The following FRMD4A variants were observed in gnomAD, a reference collection of about 807,000 sequenced individuals.
FRMD4A encodes the protein FERM domain containing 4A.
A neutral mutation model predicts 129.1 loss-of-function variants in FRMD4A; 29 were observed. That is an observed-to-expected ratio of 0.22 (90% CI 0.17 to 0.31). The LOEUF (loss-of-function observed/expected upper bound fraction) is 0.31. Ranked by LOEUF, FRMD4A falls within the 10% of genes least tolerant of loss-of-function variation. FRMD4A has a pLI of 1.00. For synonymous variants in FRMD4A, 634 were observed against 571.6 expected (o/e 1.11, Z -1.56); for missense variants, 1,272 against 1,375.8 (o/e 0.92, Z 1.19).
chr10:13,895,995 C>T (rs958402869), intron 2 of FRMD4A, among the ~76,000 whole-genome samples: 4 of 152,098 alleles, frequency 2.6e-5, no homozygotes, highest in African/African-American at 7.2e-5. Context: ...GTTAGCATGG[C>T]GATTATTAAA....
intron 2 of FRMD4A, among the ~76,000 whole-genome samples, chr10:14,221,008 T>C (rs934533005): frequency 6.6e-6 from 1 of 151,792 alleles, no homozygotes; most frequent in African/African-American, 2.4e-5. Flanking sequence ...ATAGTCTGGA[T>C]TGAGGAGCAG....
rs572161436 is a variant in FRMD4A, at chr10:14,048,008, G to A, written c.46-189096C>T. On this transcript the variant is annotated intron_variant, in intron 2 of 24. Coordinates refer to ENST00000357447, the MANE Select transcript of FRMD4A (RefSeq NM_018027.5). ...CATTTAGCGCACAGCCCAGCACATA[G>A]TCACTCAATAAAAAATAGATATCAT... is the stretch of plus-strand genomic sequence containing the variant. Among the ~76,000 whole-genome samples the A allele has an allele frequency of 3.9e-5, 6 of 152,298 alleles. No individual in the cohort carries two copies. In the South Asian group the frequency reaches 1.2e-3, roughly 32 times the overall value.
In FRMD4A at chr10:13,674,895, GC is replaced by G; in HGVS notation, c.1251+15del. 6.2e-7 allele frequency: 1 copy of G among 1,613,282 alleles called. No individual in the cohort carries two copies. Among genetic ancestry groups the G allele is most frequent in the Middle Eastern group, 1.7e-4 (1 of 6,060 alleles). On this transcript the variant is annotated intron_variant, in intron 16 of 24. Coordinates refer to ENST00000357447, the MANE Select transcript of FRMD4A (RefSeq NM_018027.5). ...GACAACACCAATTTCAACGGGATGAGCTAGGAAAGGCTTACAGCTTCTCGGA... is the reference window on the plus strand; with the variant it reads ...GACAACACCAATTTCAACGGGATGAGTAGGAAAGGCTTACAGCTTCTCGGA...
At chr10:13,738,312 T>C (rs371755052) in intron 11 of FRMD4A, among the ~76,000 whole-genome samples, 2 of 152,322 alleles carry the variant, frequency 1.3e-5, no homozygotes, top group African/African-American at 2.4e-5. Flanking sequence ...CTGTGAGATG[T>C]CACACCTAAT....
chr10:14,060,783 G>A (rs1407093956), intron 2 of FRMD4A, among the ~76,000 whole-genome samples: 1 of 152,090 alleles, frequency 6.6e-6, no homozygotes, highest in Non-Finnish European at 1.5e-5. Context: ...CAAATGGCTG[G>A]CCACTTATAT....
chr10:14,055,060 A>T (rs1834443707), intron 2 of FRMD4A, among the ~76,000 whole-genome samples: 1 of 152,220 alleles, frequency 6.6e-6, no homozygotes, highest in South Asian at 2.1e-4. Context: ...CTGTATCTCA[A>T]AGCCACTTTG....
intron 2 of FRMD4A, among the ~76,000 whole-genome samples, chr10:14,224,860 C>T (rs966501492): frequency 5.3e-5 from 8 of 152,194 alleles, no homozygotes; most frequent in African/African-American, 1.9e-4. Flanking sequence ...TAACTTGCAA[C>T]TGATGTAGAG....
intron 2 of FRMD4A, among the ~76,000 whole-genome samples, chr10:13,933,471 A>G (rs2095220657): frequency 6.6e-6 from 1 of 152,102 alleles, no homozygotes; most frequent in South Asian, 2.1e-4. Flanking sequence ...TTGCTTGTTT[A>G]TGCGTTTTGT....
chr10:13,742,745 G>T (rs1056860304), intron 9 of FRMD4A, among the ~76,000 whole-genome samples: 5 of 152,138 alleles, frequency 3.3e-5, no homozygotes, highest in African/African-American at 1.2e-4. Flanking sequence ...TCAAACTCCT[G>T]ACCTCAAATA....
intron 2 of FRMD4A, among the ~76,000 whole-genome samples, chr10:13,862,017 A>G (rs1026133632): frequency 3.3e-5 from 5 of 152,222 alleles, no homozygotes; most frequent in African/African-American, 7.2e-5. Context: ...TTCAGTTCTC[A>G]TTGGAAAGAA....
At chr10:13,694,110 G>A (rs746370984) in intron 14 of FRMD4A, 71 bp from the exon 15 acceptor site, 45 of 1,298,516 alleles carry the variant, frequency 3.5e-5, no homozygotes, top group Middle Eastern at 1.9e-4. Flanking sequence ...TCCCTCGCCC[G>A]CGCCTGCTCA....
chr10:14,154,163 A>G (rs924089018), intron 2 of FRMD4A, among the ~76,000 whole-genome samples: 18 of 152,146 alleles, frequency 1.2e-4, no homozygotes, highest in Admixed American at 7.2e-4. Flanking sequence ...CTAGACTTCA[A>G]GGTCTAGGGT....
intron 2 of FRMD4A, among the ~76,000 whole-genome samples, chr10:14,235,157 C>CT (rs11349578): frequency 0.079 from 11,764 of 149,550 alleles, 576 homozygotes; most frequent in Non-Finnish European, 0.11. Flanking sequence ...CCTAAGCTGT[C>CT]TTTTTTTTTT....
At chr10:13,838,232 T>C (rs940707458) in intron 3 of FRMD4A, among the ~76,000 whole-genome samples, 1 of 150,576 alleles carries the variant, frequency 6.6e-6, no homozygotes, top group African/African-American at 2.4e-5. Flanking sequence ...ACTACAGACG[T>C]GCACCACCAT....
At chr10:14,003,535 C>T (rs1307352392) in intron 2 of FRMD4A, 2 of 152,204 alleles carry the variant, frequency 1.3e-5, no homozygotes, top group Non-Finnish European at 2.9e-5. Flanking sequence ...GGTGATCTTA[C>T]AGCTGGAAAA....
chr10:14,118,916 C>T (rs1456071953), intron 2 of FRMD4A, among the ~76,000 whole-genome samples: 1 of 152,182 alleles, frequency 6.6e-6, no homozygotes, highest in Non-Finnish European at 1.5e-5. Context: ...CTCTGGCTCT[C>T]TTGGAAATTC....
Position 13,745,390 on chromosome 10 carries a change from C to T in FRMD4A, c.548+2346G>A, listed in dbSNP as rs538386574. On this transcript the variant is annotated intron_variant, in intron 9 of 24. Transcript: ENST00000357447. ...GGGCTGTGATGCTGACTGTGATACA[C>T]GTGGCTCCCCCGTCCTGCCACACTC... 4.7e-3 allele frequency among the ~76,000 whole-genome samples: 713 copies of T among 152,224 alleles called. 7 individuals carry two copies. The highest frequency in any genetic ancestry group is 6.6e-3 in the Non-Finnish European group (448 of 68,018).
chr10:14,275,733 C>A (rs1286206574), intron 2 of FRMD4A, among the ~76,000 whole-genome samples: 1 of 152,092 alleles, frequency 6.6e-6, no homozygotes, highest in African/African-American at 2.4e-5. Flanking sequence ...CCACCCCTGT[C>A]TTCAAAAATA....
At chr10:13,867,733 A>T (rs61834261) in intron 2 of FRMD4A, among the ~76,000 whole-genome samples, 3 of 10,948 alleles carry the variant, frequency 2.7e-4, no homozygotes, top group South Asian at 3.3e-3. Context: ...ATATATAATA[A>T]ATAACATATA....
Sources: gnomAD v4.1 joint callset for allele counts (sites outside exome capture counted in the v4.1 genomes callset) on GRCh38, gnomAD v4.1.1 for gene constraint, MANE v1.5 for transcripts, NCBI Gene and HGNC (gene_info 2026-07-23, HGNC 2026-07-21) for gene names.